Variants in PECR observed in about 807,000 individuals in gnomAD.
PECR encodes 2,4-dienoyl-CoA reductase-related protein.
PECR carries 30 observed loss-of-function variants against 35.3 expected under a neutral mutation model. The ratio of observed to expected loss-of-function variants is 0.85; its 90% CI spans 0.64 to 1.15. PECR has a LOEUF of 1.15. PECR is among the 50% of genes most tolerant of loss of function. The pLI, the probability that PECR is intolerant of heterozygous loss-of-function variation, is 0.00. For synonymous variants in PECR, 148 were observed against 138.9 expected (o/e 1.07, Z -0.46); for missense variants, 392 against 370.8 (o/e 1.06, Z -0.47).
intron 1 of PECR, among the ~76,000 whole-genome samples, chr2:216,069,568 C>T (rs1405565482): frequency 1.3e-5 from 2 of 152,136 alleles, no homozygotes; most frequent in Non-Finnish European, 2.9e-5. Context: ...AACTTAACAT[C>T]ATGAGGAAAG....
intron 4 of PECR, among the ~76,000 whole-genome samples, chr2:216,054,371 C>CTTT (rs34214360): frequency 1.9e-5 from 2 of 102,778 alleles, no homozygotes; most frequent in Non-Finnish European, 3.9e-5. Flanking sequence ...TTTTTTCTTT[C>CTTT]TTTTTTTTTT....
At chr2:216,036,742 C>T (rs925124031), downstream of PECR, among the ~76,000 whole-genome samples, 1 of 152,158 alleles carries the variant, frequency 6.6e-6, no homozygotes, top group African/African-American at 2.4e-5. Context: ...TCTCTGGCTC[C>T]CTGCCCTTAT....
At chr2:216,054,925 G>A (rs1198810322) in intron 4 of PECR, among the ~76,000 whole-genome samples, 37 of 150,490 alleles carry the variant, frequency 2.5e-4, no homozygotes, top group Admixed American at 2.2e-3. Flanking sequence ...AGCCTGGCCA[G>A]CACAGTGAAA....
intron 1 of PECR, among the ~76,000 whole-genome samples, chr2:216,078,136 C>G (rs1695749702): frequency 1.3e-5 from 2 of 151,876 alleles, no homozygotes; most frequent in Non-Finnish European, 2.9e-5. Context: ...CAGTGGCCTT[C>G]TGACTAGAAA....
Position 216,046,289 on chromosome 2 carries a change from C to CATATAT in PECR, c.715-2275_715-2274insATATAT, listed in dbSNP as rs1307643558. On this transcript the variant is annotated intron_variant, in intron 6 of 7. Coordinates refer to ENST00000265322, the MANE Select transcript of PECR (RefSeq NM_018441.6). ...AAACCACATAAAGTATATATATATA[C>CATATAT]ATACATATATATATATATATATTTT... 3.4e-3 allele frequency among the ~76,000 whole-genome samples: 367 copies of CATATAT among 107,872 alleles called. 2 individuals are homozygous for CATATAT. The highest frequency in any genetic ancestry group is 5.8e-3 in the African/African-American group (149 of 25,690). The allele number at this position is 107,872 out of a possible 152,430, so 70.8% of individuals were successfully genotyped here.
chr2:216,080,400 G>A (rs979287850), intron 1 of PECR, among the ~76,000 whole-genome samples: 6 of 152,188 alleles, frequency 3.9e-5, no homozygotes, highest in African/African-American at 1.4e-4. Flanking sequence ...TTAAACGGAA[G>A]CATTATATTT....
intron 1 of PECR, among the ~76,000 whole-genome samples, chr2:216,076,715 A>C (rs1227613803): frequency 6.6e-6 from 1 of 151,794 alleles, no homozygotes; most frequent in African/African-American, 2.4e-5. Context: ...CACAAGAATC[A>C]CTTGAACCTG....
intron 6 of PECR, among the ~76,000 whole-genome samples, chr2:216,047,221 G>A (rs1029226547): frequency 8.1e-5 from 12 of 148,974 alleles, no homozygotes; most frequent in African/African-American, 1.5e-4. Flanking sequence ...TCGTGCCACC[G>A]CACTCCAGCC....
intron 7 of PECR, among the ~76,000 whole-genome samples, chr2:216,039,662 C>T (rs1026889552): frequency 7.2e-5 from 11 of 152,160 alleles, no homozygotes; most frequent in Middle Eastern, 3.2e-3. Context: ...TGCAGTGCTT[C>T]GCATACTGTG....
intron 1 of PECR, among the ~76,000 whole-genome samples, chr2:216,081,057 T>A (rs1056690390): frequency 6.6e-6 from 1 of 152,224 alleles, no homozygotes; most frequent in African/African-American, 2.4e-5. Flanking sequence ...CTTTATATAT[T>A]TTTTTAATTC....
In PECR at chr2:216,044,387, T is replaced by A. The variant is rs1314264881; in HGVS notation, c.715-372A>T. Among the ~76,000 whole-genome samples, 6 of 152,210 alleles carry A rather than the reference T, an allele frequency of 3.9e-5. No individual in the cohort carries two copies. The East Asian group carries it at 1.2e-3, about 29-fold the overall frequency. ...CCTTTCATTGTCCTCCACAACCCCA[T>A]TTTCCATCACTACCTCGTGCCTTTT... is the stretch of plus-strand genomic sequence containing the variant. On this transcript the variant is annotated intron_variant, in intron 6 of 7. Transcript: ENST00000265322.
Position 216,067,059 on chromosome 2 carries a change from T to C in PECR, c.125-541A>G, listed in dbSNP as rs146221991. Among the ~76,000 whole-genome samples, 832 of 152,202 alleles carry C rather than the reference T, an allele frequency of 5.5e-3. 10 individuals are homozygous for C. Among genetic ancestry groups the C allele is most frequent in the African/African-American group, 0.019 (786 of 41,534 alleles). ...GTGAAATCAAACATGAGCCCTTGGA[T>C]TGCCCCAGCTTGCTGCCTGGAGAAA... is the stretch of plus-strand genomic sequence containing the variant. On this transcript the variant is annotated intron_variant, in intron 1 of 7. Transcript: ENST00000265322.
chr2:216,069,934 C>CAAAA (rs35689726), intron 1 of PECR, among the ~76,000 whole-genome samples: 1 of 101,300 alleles, frequency 9.9e-6, no homozygotes, highest in Non-Finnish European at 2.3e-5. Context: ...AAGACTCTGT[C>CAAAA]AAAAAAAAAA....
At chr2:216,037,523 G>C (rs1694814835), downstream of PECR, among the ~76,000 whole-genome samples, 1 of 152,164 alleles carries the variant, frequency 6.6e-6, no homozygotes, top group Non-Finnish European at 1.5e-5. Context: ...GTTCCAGAAG[G>C]CCACTGTTAA....
intron 7 of PECR, among the ~76,000 whole-genome samples, chr2:216,043,120 T>C (rs1023463414): frequency 3.3e-5 from 5 of 149,388 alleles, no homozygotes; most frequent in Non-Finnish European, 7.4e-5. Context: ...TATATATTTT[T>C]TTTTGAGATA....
chr2:216,036,068 G>A (rs1313308767), downstream of PECR, among the ~76,000 whole-genome samples: 1 of 152,204 alleles, frequency 6.6e-6, no homozygotes, highest in Non-Finnish European at 1.5e-5. Flanking sequence ...TAGAAAGCCT[G>A]AACCATAGGC....
intron 4 of PECR, among the ~76,000 whole-genome samples, chr2:216,054,082 C>T (rs1300030990): frequency 6.6e-6 from 1 of 151,640 alleles, no homozygotes; most frequent in South Asian, 2.1e-4. Context: ...GTCAGGAGTT[C>T]GAGACCAGCC....
chr2:216,071,472 A>G (rs1030048332), intron 1 of PECR, among the ~76,000 whole-genome samples: 2 of 152,188 alleles, frequency 1.3e-5, no homozygotes, highest in Admixed American at 1.3e-4. Context: ...TAAGCCTTCA[A>G]TTTGTACTGT....
rs558136828 is a variant in PECR, at chr2:216,048,071, A to T, written c.714+1192T>A. On this transcript the variant is annotated intron_variant, in intron 6 of 7. Coordinates refer to ENST00000265322, the MANE Select transcript of PECR (RefSeq NM_018441.6). The stretch of plus-strand genomic sequence containing the variant: ...GGAAAGACATCCTTTTCTTTTCTTT[A>T]TTTTATTTTATTTTATTTTTTGAGA... Among the ~76,000 whole-genome samples, 434 of 133,942 alleles carry T rather than the reference A, an allele frequency of 3.2e-3. 6 individuals are homozygous for T. The highest frequency in any genetic ancestry group is 0.012 in the African/African-American group (420 of 34,048). The allele number at this position is 133,942 out of a possible 152,430, so 87.9% of individuals were successfully genotyped here.
Sources: gnomAD v4.1 joint callset for allele counts (sites outside exome capture counted in the v4.1 genomes callset) on GRCh38, gnomAD v4.1.1 for gene constraint, MANE v1.5 for transcripts, NCBI Gene and HGNC (gene_info 2026-07-23, HGNC 2026-07-21) for gene names.